NRXN1: variants seen among roughly 807,000 people sequenced by gnomAD.
NRXN1 encodes neurexin 1.
NRXN1 carries 39 observed loss-of-function variants against 150.9 expected under a neutral mutation model. The ratio of observed to expected loss-of-function variants is 0.26; its 90% CI spans 0.20 to 0.34. The LOEUF (loss-of-function observed/expected upper bound fraction) is 0.34, where lower values mean the gene tolerates loss of function less well. Ranked by LOEUF, NRXN1 falls within the 10% of genes least tolerant of loss-of-function variation. The probability of loss-of-function intolerance (pLI) is 1.00; values close to 1 mark genes in which losing one functional copy is unlikely to be tolerated. For missense variants in NRXN1, 1,815 were observed against 1,949.9 expected (o/e 0.93, Z 1.30); for synonymous variants, 924 against 757.0 (o/e 1.22, Z -3.62).
intron 2 of NRXN1, among the ~76,000 whole-genome samples, chr2:50,942,556 T>A (rs1428113760): frequency 6.6e-6 from 1 of 152,184 alleles, no homozygotes; most frequent in Non-Finnish European, 1.5e-5. Context: ...GTCTTGGATA[T>A]GAGACATGAA....
intron 8 of NRXN1, among the ~76,000 whole-genome samples, chr2:50,584,265 C>T (rs1363260026): frequency 1.3e-5 from 2 of 151,982 alleles, no homozygotes; most frequent in African/African-American, 4.8e-5. Flanking sequence ...GAAAACTATC[C>T]CTTCAACTCA....
At chr2:50,616,124 A>G (rs1178668617) in intron 8 of NRXN1, 4 of 151,912 alleles carry the variant, frequency 2.6e-5, no homozygotes, top group African/African-American at 4.8e-5. Flanking sequence ...TCATTTTTCA[A>G]TGAGTACAGA....
Position 49,974,117 on chromosome 2 carries a change from G to A in NRXN1, c.4129-30326C>T, listed in dbSNP as rs138066456. 3.6e-3 allele frequency: 2,545 copies of A among 716,064 alleles called. 7 individuals carry two copies. The highest frequency in any genetic ancestry group is 5.0e-3 in the Non-Finnish European group (1,911 of 384,242). The allele number at this position is 716,064 out of a possible 1,614,324, so 44.4% of individuals were successfully genotyped here. A position where few individuals can be genotyped will look rare whatever the true frequency, so the allele number is the denominator to read the frequency against. The stretch of plus-strand genomic sequence containing the variant: ...GGTGACAGGAGAGCTCCCTGACTCA[G>A]TGGGAGATCAAGATGATAAATTGCC... On this transcript the variant is annotated intron_variant, in intron 21 of 22. Transcript: ENST00000401669.
At chr2:50,027,175 C>G (rs1311731811) in intron 21 of NRXN1, among the ~76,000 whole-genome samples, 1 of 151,974 alleles carries the variant, frequency 6.6e-6, no homozygotes, top group Non-Finnish European at 1.5e-5. Flanking sequence ...AGCCACTGCA[C>G]CTGGCCCTGT....
chr2:50,904,256 G>A (rs918955771), intron 5 of NRXN1, among the ~76,000 whole-genome samples: 4 of 152,136 alleles, frequency 2.6e-5, no homozygotes, highest in Non-Finnish European at 5.9e-5. Flanking sequence ...AGAAATTAAA[G>A]TATAATAATA....
At chr2:50,821,942 T>A (rs1436557571) in intron 5 of NRXN1, among the ~76,000 whole-genome samples, 3 of 152,214 alleles carry the variant, frequency 2.0e-5, no homozygotes, top group Admixed American at 2.0e-4. Context: ...TTTAATTTTC[T>A]GAGGGAAAAT....
At chr2:50,599,303 T>A (rs1330640977) in intron 8 of NRXN1, among the ~76,000 whole-genome samples, 1 of 152,140 alleles carries the variant, frequency 6.6e-6, no homozygotes, top group African/African-American at 2.4e-5. Context: ...TTATAAAAAT[T>A]CAGCCCTTAC....
intron 17 of NRXN1, among the ~76,000 whole-genome samples, chr2:50,246,990 T>C (rs1383886973): frequency 6.6e-6 from 1 of 152,056 alleles, no homozygotes; most frequent in East Asian, 1.9e-4. Context: ...TCAAGCTAAG[T>C]CAGGACCACT....
At chr2:50,769,352 T>TAAC (rs1702738743) in intron 5 of NRXN1, among the ~76,000 whole-genome samples, 1 of 152,110 alleles carries the variant, frequency 6.6e-6, no homozygotes, top group East Asian at 1.9e-4. Context: ...AGAAACCTGC[T>TAAC]GTCTCTCTAA....
At chr2:50,619,681 C>T in intron 8 of NRXN1, 1 of 390,420 alleles carries the variant, frequency 2.6e-6, no homozygotes, top group Non-Finnish European at 4.5e-6. Context: ...TGCATAACAC[C>T]TATGGCATTT....
At chr2:49,989,481 G>T (rs1681541204) in intron 21 of NRXN1, among the ~76,000 whole-genome samples, 1 of 152,104 alleles carries the variant, frequency 6.6e-6, no homozygotes, top group African/African-American at 2.4e-5. Flanking sequence ...GCACTCCAGG[G>T]AAAGACCATG....
intron 16 of NRXN1, among the ~76,000 whole-genome samples, chr2:50,470,355 T>C (rs1227001173): frequency 6.6e-6 from 1 of 151,704 alleles, no homozygotes; most frequent in African/African-American, 2.4e-5. Context: ...CCTTATGTTT[T>C]ACAGAGGCAT....
Position 50,777,111 on chromosome 2 carries a change from G to A in NRXN1, c.832+144758C>T, listed in dbSNP as rs967452389. Among the ~76,000 whole-genome samples, 5 of 152,190 alleles carry A rather than the reference G, an allele frequency of 3.3e-5. No individual in the cohort carries two copies. The South Asian group carries it at 8.3e-4, about 25-fold the overall frequency. On this transcript the variant is annotated intron_variant, in intron 5 of 22. Transcript: ENST00000401669. ...GCTAACAATTTCAAATCATGAAAATGTGTATTCTCAGATGGTGAATATTTG... is the reference window on the plus strand; with the variant it reads ...GCTAACAATTTCAAATCATGAAAATATGTATTCTCAGATGGTGAATATTTG...
intron 17 of NRXN1, among the ~76,000 whole-genome samples, chr2:50,358,305 G>C (rs1218227032): frequency 6.6e-6 from 1 of 152,202 alleles, no homozygotes; most frequent in Non-Finnish European, 1.5e-5. Flanking sequence ...CACCCCCCTG[G>C]AGTCCAGCAA....
chr2:50,557,050 A>G (rs572016357), intron 8 of NRXN1, among the ~76,000 whole-genome samples: 9 of 152,170 alleles, frequency 5.9e-5, no homozygotes, highest in Non-Finnish European at 1.0e-4. Context: ...ACACTGAAAC[A>G]CTAATCCATT....
chr2:49,940,794 C>A (rs376660857), intron 22 of NRXN1, among the ~76,000 whole-genome samples: 3 of 152,052 alleles, frequency 2.0e-5, no homozygotes, highest in Non-Finnish European at 4.4e-5. Context: ...CATCAGAAAT[C>A]GAAAGTGAAA....
intron 5 of NRXN1, among the ~76,000 whole-genome samples, chr2:50,820,017 T>C (rs901450451): frequency 1.3e-5 from 2 of 152,130 alleles, no homozygotes; most frequent in African/African-American, 4.8e-5. Flanking sequence ...AGGTCACTTT[T>C]TCCTTAAATT....
chr2:50,826,761 A>T (rs1670502636), intron 5 of NRXN1, among the ~76,000 whole-genome samples: 1 of 152,174 alleles, frequency 6.6e-6, no homozygotes, highest in Non-Finnish European at 1.5e-5. Context: ...TTTGGTCTTG[A>T]GAAGTTTGAG....
At chr2:50,905,140 C>T (rs1487573763) in intron 5 of NRXN1, among the ~76,000 whole-genome samples, 1 of 152,044 alleles carries the variant, frequency 6.6e-6, no homozygotes, top group Non-Finnish European at 1.5e-5. Flanking sequence ...TTTATCTTAA[C>T]GTTTTAAACA....
Sources: allele counts gnomAD v4.1 joint callset (sites outside exome capture counted in the v4.1 genomes callset), GRCh38; gene constraint gnomAD v4.1.1; transcripts MANE v1.5; gene names NCBI Gene and HGNC (gene_info 2026-07-23, HGNC 2026-07-21).